Variants in PMS2 observed in about 807,000 individuals in gnomAD.
The protein encoded by PMS2 is mismatch repair endonuclease PMS2.
In PMS2, 69 loss-of-function variants were observed where a neutral mutation model predicts 90.0. That is an observed-to-expected ratio of 0.77 (90% CI 0.63 to 0.94). PMS2 has a LOEUF of 0.94. Ranked by LOEUF, PMS2 falls within the 40% of genes least tolerant of loss-of-function variation. The pLI, the probability that PMS2 is intolerant of heterozygous loss-of-function variation, is 0.00. For synonymous variants in PMS2, 332 were observed against 375.1 expected (o/e 0.89, Z 1.33); for missense variants, 966 against 1,040.2 (o/e 0.93, Z 0.98).
rs762836049 is a variant in PMS2, at chr7:5,997,376, C to T, written c.753G>A (p.Val251=). Residue 251 remains valine (V), a synonymous_variant, in exon 7 of 15, where the codon GTG becomes GTA. Transcript: ENST00000265849. ...PFVQLPPSDS[V]CEEYGLSCSD... Reference sequence around the variant, plus strand: ...AACAGCTCAAACCGTACTCTTCACACACGGAGTCACTAGGGGGCAGCTGAA... The same window carrying T: ...AACAGCTCAAACCGTACTCTTCACATACGGAGTCACTAGGGGGCAGCTGAA... The T allele has an allele frequency of 1.9e-6, 3 of 1,606,732 alleles. No homozygotes were observed. Among genetic ancestry groups the T allele is most frequent in the South Asian group, 1.1e-5 (1 of 90,734 alleles).
At position 6,007,921 on chromosome 7, in the gene PMS2, A is replaced by ACGAT. The variant is rs1000598642; in HGVS notation, c.23+1072_23+1075dup. On this transcript the variant is annotated intron_variant, in intron 1 of 14. Coordinates refer to ENST00000265849, the MANE Select transcript of PMS2 (RefSeq NM_000535.7). Reference sequence around the variant, plus strand: ...GTTGCCCAGGCCGGACTGCAGTGGCACGATCTCAGCTCACTGCAACCTCCG... The same window carrying ACGAT: ...GTTGCCCAGGCCGGACTGCAGTGGCACGATCGATCTCAGCTCACTGCAACCTCCG... Among the ~76,000 whole-genome samples the ACGAT allele has an allele frequency of 1.9e-4, 27 of 145,492 alleles. No individual in the cohort carries two copies. In the Admixed American group the frequency reaches 2.0e-3, roughly 11 times the overall value.
intron 12 of PMS2, 131 bp from the exon 13 acceptor site, chr7:5,978,827 C>G: frequency 1.7e-6 from 2 of 1,162,014 alleles, no homozygotes; most frequent in Non-Finnish European, 2.5e-6. Flanking sequence ...AACAACACTA[C>G]TCAGCTAAGT....
In PMS2 at chr7:5,987,722, C is replaced by T. The variant is rs549561107; in HGVS notation, c.1145-102G>A. 2.2e-3 allele frequency: 2,193 copies of T among 981,614 alleles called. 6 individuals carry two copies. The highest frequency in any genetic ancestry group is 2.9e-3 in the Non-Finnish European group (1,805 of 617,136). The allele number at this position is 981,614 out of a possible 1,614,324, so 60.8% of individuals were successfully genotyped here. A position where few individuals can be genotyped will look rare whatever the true frequency, so the allele number is the denominator to read the frequency against. ...CTTCACAAAAGAGGAGATCCACATG[C>T]TAATTACACAGATGAACACAGTTCA... On this transcript the variant is annotated intron_variant, in intron 10 of 14. Coordinates refer to ENST00000265849, the MANE Select transcript of PMS2 (RefSeq NM_000535.7).
At chr7:6,009,052 G>T (rs562800874), upstream of PMS2, 7 of 1,611,398 alleles carry the variant, frequency 4.3e-6, no homozygotes, top group African/African-American at 5.3e-5. Flanking sequence ...CGGGGACTGG[G>T]AAAGTTCCCT....
chr7:5,985,214 C>CA (rs1782721439), intron 11 of PMS2, among the ~76,000 whole-genome samples: 1 of 151,742 alleles, frequency 6.6e-6, no homozygotes, highest in South Asian at 2.1e-4. Context: ...CCTCCTGCCT[C>CA]AGCCCCCTGA....
In PMS2 at chr7:5,995,536, T is replaced by A. The variant is rs757409701; in HGVS notation, c.901A>T (p.Lys301Ter). 6.2e-7 allele frequency: 1 copy of A among 1,610,194 alleles called. No homozygotes were observed. Among genetic ancestry groups the A allele is most frequent in the South Asian group, 1.1e-5 (1 of 91,000 alleles). Residue 301 changes from lysine (K) to a stop codon, truncating the protein, a stop_gained and splice_region_variant, in exon 8 of 15, where the codon AAG becomes TAG. Coordinates refer to ENST00000265849, the MANE Select transcript of PMS2 (RefSeq NM_000535.7). LOFTEE classifies it high-confidence loss of function. ...TAACACAAAAAAATTTTAAATACCT[T>A]TGCTGGGTCACAAGGCCGCCGGTTG... ...FINRRPCDPAKVCRLVNEVYH... is the reference protein window; with the variant it reads ...FINRRPCDPA
rs374704824 is a variant in PMS2 at position 5,999,193 on chromosome 7, C to G, written c.620G>C (p.Gly207Ala). The G allele has an allele frequency of 6.2e-7, 1 of 1,613,928 alleles. No individual in the cohort carries two copies. The highest frequency in any genetic ancestry group is 8.5e-7 in the Non-Finnish European group (1 of 1,179,974). The change falls in exon 6 of 15, where the codon GGA (glycine) becomes GCA (alanine). Residue 207 changes from glycine (G) to alanine (A), a missense_variant. Gly to Ala is a moderately conservative substitution (Grantham distance 60, BLOSUM62 0). Transcript: ENST00000265849. ...GIRVSCTNQL[G>A]QGKRQPVVCT... The stretch of plus-strand genomic sequence containing the variant: ...TACCACAGGCTGTCGTTTTCCTTGT[C>G]CAAGCTGATTGGTGCAACTTACACG...
Position 5,987,089 on chromosome 7 carries a change from C to T in PMS2, c.1676G>A (p.Gly559Glu), listed in dbSNP as rs1783013592. 1 of 1,614,146 alleles carries T rather than the reference C, an allele frequency of 6.2e-7. No homozygotes were observed. Among genetic ancestry groups the T allele is most frequent in the Non-Finnish European group, 8.5e-7 (1 of 1,180,028 alleles). ...VDCHSNQEDT[G>E]CKFRVLPQPT... ...CTGAGGCAAAACTCGAAATTTACAT[C>T]CGGTATCTTCCTGGTTTGAATGGCA... The change falls in exon 11 of 15, where the codon GGA (glycine) becomes GAA (glutamate). Residue 559 changes from glycine (G) to glutamate (E), a missense_variant. Around this residue, in one of 2 missense-constraint regions of PMS2, gnomAD observed 871 missense variants for 802.4 expected, o/e 1.09. Coordinates refer to ENST00000265849, the MANE Select transcript of PMS2 (RefSeq NM_000535.7).
chr7:5,980,935 G>A (rs899872750), intron 12 of PMS2, among the ~76,000 whole-genome samples: 4 of 151,428 alleles, frequency 2.6e-5, no homozygotes, highest in African/African-American at 9.8e-5. Flanking sequence ...ACACAGGAGA[G>A]TACTCAGTAA....
At chr7:5,999,602 G>A (rs1351335832) in intron 5 of PMS2, among the ~76,000 whole-genome samples, 1 of 151,834 alleles carries the variant, frequency 6.6e-6, no homozygotes, top group East Asian at 1.9e-4. Flanking sequence ...ACCAGCCTGG[G>A]CAACACAGCA....
At chr7:6,007,542 G>C (rs1377205355) in intron 1 of PMS2, among the ~76,000 whole-genome samples, 1 of 152,192 alleles carries the variant, frequency 6.6e-6, no homozygotes, top group Non-Finnish European at 1.5e-5. Context: ...TCTGCTCAAA[G>C]AATGTATCCC....
At chr7:5,983,403 T>A (rs1285927281) in intron 11 of PMS2, among the ~76,000 whole-genome samples, 1 of 151,206 alleles carries the variant, frequency 6.6e-6, no homozygotes, top group Non-Finnish European at 1.5e-5. Context: ...GCCACTGCGT[T>A]CGGCTTAACC....
chr7:5,981,327 C>T (rs1782261218), intron 12 of PMS2, among the ~76,000 whole-genome samples: 1 of 149,840 alleles, frequency 6.7e-6, no homozygotes, highest in African/African-American at 2.5e-5. Context: ...TCATGGCAGC[C>T]TCAATCTCCT....
intron 10 of PMS2, among the ~76,000 whole-genome samples, chr7:5,988,909 G>A (rs1783396814): frequency 6.6e-6 from 1 of 152,096 alleles, no homozygotes. Context: ...AGGCTGGAGT[G>A]CAGTGGCACA....
chr7:6,001,186 C>T (rs1429547002), intron 5 of PMS2, among the ~76,000 whole-genome samples: 33 of 152,108 alleles, frequency 2.2e-4, no homozygotes, highest in Non-Finnish European at 1.9e-4. Flanking sequence ...GCCGAGTCTT[C>T]CAGCCTTTAT....
chr7:5,996,125 G>C (rs115360158), intron 7 of PMS2, among the ~76,000 whole-genome samples: 3,646 of 152,182 alleles, frequency 0.024, 129 homozygotes, highest in African/African-American at 0.082. Flanking sequence ...AGGGATACCG[G>C]CATTTCCAGA....
At chr7:5,997,122 G>A (rs932323084) in intron 7 of PMS2, among the ~76,000 whole-genome samples, 1 of 151,706 alleles carries the variant, frequency 6.6e-6, no homozygotes, top group African/African-American at 2.4e-5. Flanking sequence ...GCTGAGGCAG[G>A]AGAATTGCTT....
chr7:6,002,672 G>C (rs1384214095), intron 4 of PMS2, 36 bp from the exon 5 acceptor site: 3 of 1,538,990 alleles, frequency 1.9e-6, no homozygotes, highest in Non-Finnish European at 2.7e-6. Context: ...TGTTCAGTGA[G>C]AGACCCATGA....
chr7:6,008,831 G>C (rs550092647), intron 1 of PMS2, among the ~76,000 whole-genome samples, 166 bp downstream of exon 1: 1 of 152,266 alleles, frequency 6.6e-6, no homozygotes, highest in East Asian at 1.9e-4. Flanking sequence ...GCACCCAAGG[G>C]GCACGAGATC....
Sources: gnomAD v4.1 joint callset for allele counts (sites outside exome capture counted in the v4.1 genomes callset) on GRCh38, gnomAD v4.1.1 for gene constraint, gnomAD v4.1.1 regional missense constraint, MANE v1.5 for transcripts, NCBI Gene and HGNC (gene_info 2026-07-23, HGNC 2026-07-21) for gene names.